The following PLA2G4F variants were observed in gnomAD, a reference collection of about 807,000 sequenced individuals.
PLA2G4F encodes the protein cytosolic phospholipase A2 zeta.
A neutral mutation model predicts 103.1 loss-of-function variants in PLA2G4F; 105 were observed. That is an observed-to-expected ratio of 1.02 (90% confidence interval 0.87 to 1.20). PLA2G4F has a LOEUF of 1.20. Among genes scored for constraint, PLA2G4F ranks in the 50% most tolerant of loss-of-function variants. The pLI is 0.00. For synonymous variants in PLA2G4F, 468 were observed against 441.1 expected, an observed-to-expected ratio of 1.06 and a Z score of -0.76; for missense variants, 1,155 against 1,075.9, an observed-to-expected ratio of 1.07 and a Z score of -1.03.
At chr15:42,147,446 A>C (rs1020982187) in intron 12 of PLA2G4F, 100 bp from the exon 13 acceptor site, 14 of 1,392,864 alleles carry the variant, frequency 1.0e-5, no homozygotes, top group East Asian at 4.6e-5. Context: ...CACCACTTGC[A>C]CTGCTGCCCT....
Position 42,142,540 on chromosome 15 carries a change from G to A in PLA2G4F, c.2317C>T (p.His773Tyr), listed in dbSNP as rs79982539. The A allele has an allele frequency of 1.8e-4, 294 of 1,613,476 alleles. 1 individual carries two copies. In the African/African-American group the frequency reaches 3.8e-3, roughly 21 times the overall value. The change falls in exon 19 of 20, where the codon CAC becomes TAC. Residue 773 changes from histidine (H) to tyrosine (Y), a missense_variant. This residue lies in a region of PLA2G4F where 782 missense variants were observed against 692.9 expected (regional missense o/e 1.13). Coordinates refer to ENST00000397272, the MANE Select transcript of PLA2G4F (RefSeq NM_213600.4). ...FPLVNRTFRT[H>Y]LAPGVERQTA... is the part of the protein sequence containing the mutation. ...GAGCTTCCCTTACCTGGGGCCAGGTGTGTGCGGAAGGTACGGTTAACCAGG... is the reference window on the plus strand; with the variant it reads ...GAGCTTCCCTTACCTGGGGCCAGGTATGTGCGGAAGGTACGGTTAACCAGG...
At position 42,152,707 on chromosome 15, in the gene PLA2G4F, T is replaced by C. The variant is rs760260643; in HGVS notation, c.582A>G (p.Thr194=). Residue 194 remains threonine, a synonymous_variant, in exon 7 of 20, where the codon ACA becomes ACG. Coordinates refer to ENST00000397272, the MANE Select transcript of PLA2G4F (RefSeq NM_213600.4). The part of the protein sequence containing the change: ...RIQGTLRGDG[T]APREEYGSRQ... ...ACTCACCGTACTCTTCCCGTGGGGCTGTCCCATCTCCCCGGAGCGTGCCCT... is the reference window on the plus strand; with the variant it reads ...ACTCACCGTACTCTTCCCGTGGGGCCGTCCCATCTCCCCGGAGCGTGCCCT... 7.1e-6 allele frequency: 11 copies of C among 1,557,574 alleles called. No homozygotes were observed. The highest frequency in any genetic ancestry group is 3.9e-5 in the Admixed American group (2 of 51,880).
intron 7 of PLA2G4F, chr15:42,151,439 G>T (rs2048961353): frequency 1.0e-6 from 1 of 985,162 alleles, no homozygotes; most frequent in South Asian, 4.7e-5. Flanking sequence ...TGGGGAGGAG[G>T]CCAGACCCCA....
intron 7 of PLA2G4F, chr15:42,151,140 C>T: frequency 1.0e-6 from 1 of 985,330 alleles, no homozygotes; most frequent in Non-Finnish European, 1.2e-6. Context: ...TGGTTTCCCG[C>T]TTGCCCCACT....
In PLA2G4F at chr15:42,152,699, C is replaced by A; in HGVS notation, c.590G>T (p.Arg197Leu). Residue 197 changes from arginine to leucine, a missense_variant, in exon 7 of 20, where the codon CGG becomes CTG. Arg to Leu is a moderately radical substitution (Grantham distance 102, BLOSUM62 -2). Around this residue, in one of 3 missense-constraint regions of PLA2G4F, gnomAD observed 370 missense variants for 364.9 expected, o/e 1.01. Coordinates refer to ENST00000397272, the MANE Select transcript of PLA2G4F (RefSeq NM_213600.4). ...GTLRGDGTAP[R>L]EEYGSRQLQL... ...CTGAGCAGACTCACCGTACTCTTCC[C>A]GTGGGGCTGTCCCATCTCCCCGGAG... The A allele has an allele frequency of 6.4e-7, 1 of 1,556,530 alleles. No individual in the cohort carries two copies. Among genetic ancestry groups the A allele is most frequent in the Non-Finnish European group, 8.7e-7 (1 of 1,149,416 alleles).
chr15:42,149,958 C>T, intron 10 of PLA2G4F, 110 bp from the exon 11 acceptor site: 2 of 1,521,276 alleles, frequency 1.3e-6, no homozygotes, highest in East Asian at 4.5e-5. Flanking sequence ...AAGGGATCCG[C>T]CCACCAGCAC....
In PLA2G4F at chr15:42,141,199, T is replaced by G; in HGVS notation, c.*785A>C. ...TGATGCCCCTACTAGACACACCCAT[T>G]TAGCTCCTAGGAATGGTGAGACTAT... On this transcript the variant is annotated 3_prime_UTR_variant, in exon 20 of 20. Transcript: ENST00000397272. The G allele has an allele frequency of 2.2e-6, 1 of 456,360 alleles. No individual in the cohort carries two copies. Among genetic ancestry groups the G allele is most frequent in the Non-Finnish European group, 4.4e-6 (1 of 226,788 alleles). 28.3% of individuals were successfully genotyped at this position (456,360 alleles called of 1,614,324 possible). A position where few individuals can be genotyped will look rare whatever the true frequency, so the allele number is the denominator to read the frequency against.
rs773236741 is a variant in PLA2G4F at position 42,146,152 on chromosome 15, G to A, written c.1509C>T (p.Thr503=). Residue 503 remains threonine, a synonymous_variant, in exon 14 of 20, where the codon ACC becomes ACT. Coordinates refer to ENST00000397272, the MANE Select transcript of PLA2G4F (RefSeq NM_213600.4). Reference sequence around the variant, plus strand: ...CTGCAAAATCTTCCCCACTCAAGTTGGTGCGGACGTTGACACTGGTGTAAA... The same window carrying A: ...CTGCAAAATCTTCCCCACTCAAGTTAGTGCGGACGTTGACACTGGTGTAAA... ...YPIYTSVNVR[T]NLSGEDFAEW... 5 of 1,614,052 alleles carry A rather than the reference G, an allele frequency of 3.1e-6. No homozygotes were observed. Among genetic ancestry groups the A allele is most frequent in the Non-Finnish European group, 4.2e-6 (5 of 1,180,002 alleles).
rs1566882380 is a variant in PLA2G4F at position 42,154,203 on chromosome 15, G to A, written c.339C>T (p.Thr113=). 4 of 1,614,204 alleles carry A rather than the reference G, an allele frequency of 2.5e-6. No homozygotes were observed. The highest frequency in any genetic ancestry group is 4.5e-5 in the East Asian group (2 of 44,884). The change falls in exon 4 of 20, where the codon ACC becomes ACT. Residue 113 remains threonine (T), a synonymous_variant. Coordinates refer to ENST00000397272, the MANE Select transcript of PLA2G4F (RefSeq NM_213600.4). ...HGAVKNVLEL[T]LYDKDILGSD... The stretch of plus-strand genomic sequence containing the variant: ...TGCCCAGGATGTCCTTGTCATAGAG[G>A]GTGAGCTCCAGGACGTTCTGGGGAC...
At chr15:42,155,440 T>C in intron 2 of PLA2G4F, 77 bp downstream of exon 2, 1 of 1,477,204 alleles carries the variant, frequency 6.8e-7, no homozygotes, top group African/African-American at 1.4e-5. Context: ...ACACACTCTC[T>C]GTTAGCCAGC....
chr15:42,151,324 C>T (rs1235669902), intron 7 of PLA2G4F: 14 of 985,050 alleles, frequency 1.4e-5, no homozygotes, highest in Middle Eastern at 5.2e-4. Flanking sequence ...CCTGGAGAAG[C>T]GGCGGAGGGC....
In PLA2G4F at chr15:42,142,634, C is replaced by T; in HGVS notation, c.2223G>A (p.Glu741=). 1 of 1,614,070 alleles carries T rather than the reference C, an allele frequency of 6.2e-7. No homozygotes were observed. The highest frequency in any genetic ancestry group is 8.5e-7 in the Non-Finnish European group (1 of 1,179,966). The change falls in exon 19 of 20, where the codon GAG becomes GAA. Residue 741 remains glutamate, a synonymous_variant. Transcript: ENST00000397272. The part of the protein sequence containing the change: ...PSIEVGPEDM[E]EARECYLFAK... ...CAAACAGATAGCACTCACGGGCCTCCTCCATGTCCTCAGGGCCCACCTCGA... is the reference window on the plus strand; with the variant it reads ...CAAACAGATAGCACTCACGGGCCTCTTCCATGTCCTCAGGGCCCACCTCGA...
Position 42,147,600 on chromosome 15 carries a change from C to T in PLA2G4F, c.1196+26G>A, listed in dbSNP as rs780955724. The T allele has an allele frequency of 9.9e-6, 16 of 1,612,388 alleles. No homozygotes were observed. The Admixed American group carries it at 1.8e-4, about 18-fold the overall frequency. Reference sequence around the variant, plus strand: ...CACACTTTGTGGGGTCTCCTTTACCCTGTGCCCTGCCCCCACCTCACTTAC... The same window carrying T: ...CACACTTTGTGGGGTCTCCTTTACCTTGTGCCCTGCCCCCACCTCACTTAC... On this transcript the variant is annotated intron_variant, in intron 12 of 19. Coordinates refer to ENST00000397272, the MANE Select transcript of PLA2G4F (RefSeq NM_213600.4).
chr15:42,140,730 G>A lies in PLA2G4F; in HGVS notation c.*1254C>T, dbSNP rs1246102937. ...GGACAGGTAAGGCTTCCCAGCACAG[G>A]TGTTCCTGACAGCGTGTCTGTGTGA... is the stretch of plus-strand genomic sequence containing the variant. On this transcript the variant is annotated 3_prime_UTR_variant, in exon 20 of 20. Coordinates refer to ENST00000397272, the MANE Select transcript of PLA2G4F (RefSeq NM_213600.4). 1 of 155,444 alleles carries A rather than the reference G, an allele frequency of 6.4e-6. No homozygotes were observed. 9.6% of individuals were successfully genotyped at this position (155,444 alleles called of 1,614,324 possible).
chr15:42,151,498 C>A (rs993875768), intron 7 of PLA2G4F: 35 of 985,230 alleles, frequency 3.6e-5, no homozygotes, highest in Non-Finnish European at 4.0e-5. Context: ...CCGCAGACAG[C>A]CTCCCAGGAG....
At chr15:42,152,363 A>C (rs1466476067) in intron 7 of PLA2G4F, among the ~76,000 whole-genome samples, 1 of 152,160 alleles carries the variant, frequency 6.6e-6, no homozygotes, top group African/African-American at 2.4e-5. Flanking sequence ...CAGAGGAGAG[A>C]CGCATGGCAC....
chr15:42,143,957 C>T, intron 18 of PLA2G4F, 21 bp downstream of exon 18: 5 of 1,585,726 alleles, frequency 3.2e-6, no homozygotes, highest in Non-Finnish European at 4.3e-6. Context: ...GTGCTCCCCA[C>T]ATCCCTGCCT....
Position 42,141,310 on chromosome 15 carries a change from A to G in PLA2G4F, c.*674T>C. ...AAGCCTGGGTAACTGGCAGGGAGAC[A>G]CGCGCACATCTCCCACCTGGAGCAG... On this transcript the variant is annotated 3_prime_UTR_variant, in exon 20 of 20. Coordinates refer to ENST00000397272, the MANE Select transcript of PLA2G4F (RefSeq NM_213600.4). 2.2e-6 allele frequency: 1 copy of G among 456,688 alleles called. No homozygotes were observed. The highest frequency in any genetic ancestry group is 4.4e-6 in the Non-Finnish European group (1 of 226,960). The allele number at this position is 456,688 out of a possible 1,614,324, so 28.3% of individuals were successfully genotyped here.
chr15:42,149,167 T>C (rs2048926261), intron 11 of PLA2G4F: 1 of 985,060 alleles, frequency 1.0e-6, no homozygotes, highest in Non-Finnish European at 1.2e-6. Context: ...ACTGTCCCCC[T>C]CCAAATTCCT....
Sources: allele counts gnomAD v4.1 joint callset (sites outside exome capture counted in the v4.1 genomes callset), GRCh38; gene constraint gnomAD v4.1.1; regional missense constraint gnomAD v4.1.1; transcripts MANE v1.5; gene names NCBI Gene and HGNC (gene_info 2026-07-23, HGNC 2026-07-21).